Variants in COL25A1 observed in about 807,000 individuals in gnomAD.
The protein encoded by COL25A1 is collagen type XXV alpha 1 chain.
A neutral mutation model predicts 128.4 loss-of-function variants in COL25A1; 103 were observed. The observed-to-expected ratio is 0.80, with a 90% CI of 0.68 to 0.94. The LOEUF (loss-of-function observed/expected upper bound fraction) is 0.94. COL25A1 is among the 40% of genes least tolerant of loss of function. The pLI is 0.00. For synonymous variants in COL25A1, 279 were observed against 277.2 expected (o/e 1.01, Z -0.06); for missense variants, 745 against 840.0 (o/e 0.89, Z 1.40).
chr4:108,920,179 T>C (rs1355904609), intron 12 of COL25A1, among the ~76,000 whole-genome samples: 1 of 152,218 alleles, frequency 6.6e-6, no homozygotes, highest in Non-Finnish European at 1.5e-5. Flanking sequence ...TACTTGAATA[T>C]AGTGAACCCA....
chr4:109,060,171 T>G (rs1761831383), intron 3 of COL25A1, among the ~76,000 whole-genome samples: 1 of 152,206 alleles, frequency 6.6e-6, no homozygotes, highest in Non-Finnish European at 1.5e-5. Flanking sequence ...TCAAGTGAGA[T>G]ATTTTACCTG....
chr4:109,251,551 C>A (rs187669304), intron 3 of COL25A1, among the ~76,000 whole-genome samples: 3 of 152,344 alleles, frequency 2.0e-5, no homozygotes, highest in African/African-American at 4.8e-5. Flanking sequence ...TCAGTCACCA[C>A]TGCCAGCACA....
chr4:108,817,659 G>A (rs1447318641), intron 36 of COL25A1, among the ~76,000 whole-genome samples: 1 of 152,106 alleles, frequency 6.6e-6, no homozygotes, highest in Non-Finnish European at 1.5e-5. Context: ...AACACATGAA[G>A]TATAGAAAAT....
At chr4:108,919,357 G>C (rs1745230602) in intron 12 of COL25A1, among the ~76,000 whole-genome samples, 4 of 152,166 alleles carry the variant, frequency 2.6e-5, no homozygotes, top group Admixed American at 2.0e-4. Flanking sequence ...ATGTGGATTA[G>C]AGTAGCTTTA....
chr4:108,882,573 A>G (rs1740261661), intron 19 of COL25A1, among the ~76,000 whole-genome samples: 1 of 152,172 alleles, frequency 6.6e-6, no homozygotes, highest in African/African-American at 2.4e-5. Context: ...TATTTGTAAA[A>G]AGCCATCTTT....
At chr4:108,943,257 G>A (rs778067230) in intron 8 of COL25A1, among the ~76,000 whole-genome samples, 20 of 152,062 alleles carry the variant, frequency 1.3e-4, no homozygotes, top group Non-Finnish European at 2.4e-4. Flanking sequence ...ACACTGTTAC[G>A]AAAACCACAC....
At chr4:109,174,709 C>T (rs1773918840) in intron 3 of COL25A1, among the ~76,000 whole-genome samples, 1 of 152,206 alleles carries the variant, frequency 6.6e-6, no homozygotes, top group South Asian at 2.1e-4. Flanking sequence ...GGAATCTCTC[C>T]TTCATCAGTG....
chr4:108,929,568 G>A lies in COL25A1; in HGVS notation c.708+8240C>T, dbSNP rs531667821. On this transcript the variant is annotated intron_variant, in intron 11 of 37. Transcript: ENST00000399132. ...AAATATAAAAAGATGCAGGCTGGGC[G>A]TGGTGGCTCACACCTGTAATCCCAG... 9.2e-5 allele frequency among the ~76,000 whole-genome samples: 14 copies of A among 152,254 alleles called. 1 individual carries two copies. In the Middle Eastern group the frequency reaches 0.01, roughly 111 times the overall value.
At chr4:109,212,109 C>T (rs1474559213) in intron 3 of COL25A1, among the ~76,000 whole-genome samples, 3 of 152,104 alleles carry the variant, frequency 2.0e-5, no homozygotes, top group Admixed American at 6.6e-5. Context: ...ACACAGAACA[C>T]AGAGGAATGA....
intron 11 of COL25A1, among the ~76,000 whole-genome samples, chr4:108,932,368 G>A (rs1218540019): frequency 6.6e-6 from 1 of 152,098 alleles, no homozygotes; most frequent in Non-Finnish European, 1.5e-5. Context: ...GTGTTTGCAG[G>A]TAAAATTAAA....
intron 3 of COL25A1, among the ~76,000 whole-genome samples, chr4:109,221,111 T>C (rs1778379136): frequency 7.8e-6 from 1 of 128,636 alleles, no homozygotes; most frequent in Non-Finnish European, 1.6e-5. Context: ...ATAATATGCA[T>C]AAGATATTAA....
intron 3 of COL25A1, among the ~76,000 whole-genome samples, chr4:109,157,138 G>T (rs1772114575): frequency 6.6e-6 from 1 of 152,084 alleles, no homozygotes; most frequent in Non-Finnish European, 1.5e-5. Context: ...GGCATTCCCA[G>T]GAAGAGCACA....
At chr4:108,826,015 C>T (rs999776965) in intron 33 of COL25A1, among the ~76,000 whole-genome samples, 1 of 152,054 alleles carries the variant, frequency 6.6e-6, no homozygotes, top group African/African-American at 2.4e-5. Flanking sequence ...GATTTTGAAA[C>T]CTATTTCAAA....
chr4:109,142,744 T>G (rs1485285243), intron 3 of COL25A1, among the ~76,000 whole-genome samples: 1 of 152,174 alleles, frequency 6.6e-6, no homozygotes, highest in Non-Finnish European at 1.5e-5. Context: ...GCTTTTTTTT[T>G]GCTTTCCATT....
intron 11 of COL25A1, among the ~76,000 whole-genome samples, chr4:108,928,646 G>A (rs192382247): frequency 1.3e-5 from 2 of 151,794 alleles, no homozygotes; most frequent in Admixed American, 6.6e-5. Context: ...AGCCTCAAGC[G>A]ATCCTCCTGT....
At chr4:109,174,505 G>A (rs1196199374) in intron 3 of COL25A1, among the ~76,000 whole-genome samples, 1 of 152,124 alleles carries the variant, frequency 6.6e-6, no homozygotes, top group Admixed American at 6.5e-5. Context: ...CCACCCTCTT[G>A]ACACTATGAA....
chr4:108,982,242 C>A (rs1753055691), intron 6 of COL25A1, among the ~76,000 whole-genome samples: 1 of 152,096 alleles, frequency 6.6e-6, no homozygotes, highest in African/African-American at 2.4e-5. Flanking sequence ...CAATTGATTT[C>A]CTAAACCAAA....
Position 108,817,430 on chromosome 4 carries a change from T to C in COL25A1, c.1929A>G (p.Pro643=). 1.2e-6 allele frequency: 2 copies of C among 1,613,306 alleles called. No individual in the cohort carries two copies. Among genetic ancestry groups the C allele is most frequent in the Non-Finnish European group, 1.7e-6 (2 of 1,179,414 alleles). The change falls in exon 37 of 38, where the codon CCA becomes CCG. Residue 643 remains proline (P), a synonymous_variant. Coordinates refer to ENST00000399132, the MANE Select transcript of COL25A1 (RefSeq NM_198721.4). The part of the protein sequence containing the change: ...DGLDAPCQLG[P]DGLPMPGCWQ... ...AACAGCCAGGCATGGGTAAGCCATC[T>C]GGCCCCTGTTTTAAAGAGAAGAAAA...
At chr4:109,106,557 A>C (rs1175209188) in intron 3 of COL25A1, among the ~76,000 whole-genome samples, 2 of 152,026 alleles carry the variant, frequency 1.3e-5, no homozygotes, top group Non-Finnish European at 2.9e-5. Flanking sequence ...GCTATCTCAG[A>C]AACTTAAAAA....
Sources: gnomAD v4.1 joint callset for allele counts (sites outside exome capture counted in the v4.1 genomes callset) on GRCh38, gnomAD v4.1.1 for gene constraint, MANE v1.5 for transcripts, NCBI Gene and HGNC (gene_info 2026-07-23, HGNC 2026-07-21) for gene names.